LRRK1: variants seen among roughly 807,000 people sequenced by gnomAD.
LRRK1 encodes the protein leucine rich repeat kinase 1.
A neutral mutation model predicts 209.1 loss-of-function variants in LRRK1; 113 were observed. The observed-to-expected ratio is 0.54, with a 90% confidence interval of 0.46 to 0.63. LRRK1 has a LOEUF of 0.63. LRRK1 is among the 30% of genes least tolerant of loss of function. The pLI is 0.00. For synonymous variants in LRRK1, 1,144 were observed against 1,099.7 expected (o/e 1.04, Z -0.80); for missense variants, 2,284 against 2,632.2 (o/e 0.87, Z 2.89).
intron 21 of LRRK1, among the ~76,000 whole-genome samples, chr15:101,047,416 G>T (rs377252667): frequency 3.3e-4 from 50 of 152,310 alleles, no homozygotes; most frequent in African/African-American, 1.1e-3. Flanking sequence ...TCTGTGTGCC[G>T]CTGTCTTCTC....
At chr15:101,008,459 G>T (rs1345395220) in intron 6 of LRRK1, among the ~76,000 whole-genome samples, 1 of 152,306 alleles carries the variant, frequency 6.6e-6, no homozygotes, top group Non-Finnish European at 1.5e-5. Flanking sequence ...TTCTTCTCCA[G>T]TCTGGGGGAG....
chr15:101,019,978 CACTTAA>C (rs1231760807), intron 12 of LRRK1, among the ~76,000 whole-genome samples: 1 of 152,170 alleles, frequency 6.6e-6, no homozygotes, highest in Non-Finnish European at 1.5e-5. Context: ...TTAATAAAGT[CACTTAA>C]ATACTAAACA....
rs1198284104 is a variant in LRRK1 at position 101,014,338 on chromosome 15, A to G, written c.1442A>G (p.Gln481Arg). ...QLDALMFLRL[Q>R]GNQLAALPPQ... is the part of the protein sequence containing the mutation. The stretch of plus-strand genomic sequence containing the variant: ...CAGGCCCTCATGTTCTTGAGGTTAC[A>G]GGGGAACCAGCTGGCGGCACTTCCA... Residue 481 changes from glutamine to arginine, a missense_variant, in exon 11 of 34, where the codon CAG (glutamine) becomes CGG (arginine). By Grantham distance (43) the Gln-to-Arg change is conservative. This residue lies in a region of LRRK1 where 494 missense variants were observed against 522.1 expected (regional missense o/e 0.95). Coordinates refer to ENST00000388948, the MANE Select transcript of LRRK1 (RefSeq NM_024652.6). 6 of 1,613,414 alleles carry G rather than the reference A, an allele frequency of 3.7e-6. No individual in the cohort carries two copies. Among genetic ancestry groups the G allele is most frequent in the Non-Finnish European group, 5.1e-6 (6 of 1,179,700 alleles).
rs377424019 is a variant in LRRK1 at position 101,068,913 on chromosome 15, C to CCAT, written c.*67_*69dup. On this transcript the variant is annotated 3_prime_UTR_variant, in exon 34 of 34. Coordinates refer to ENST00000388948, the MANE Select transcript of LRRK1 (RefSeq NM_024652.6). ...CCGGGGCTGCAGCCTGACCCCTCTGCCATCGGCCTCTAGTTCTCCAAGGAC... is the reference window on the plus strand; with the variant it reads ...CCGGGGCTGCAGCCTGACCCCTCTGCCATCATCGGCCTCTAGTTCTCCAAGGAC... 7.2e-4 allele frequency: 1,043 copies of CCAT among 1,450,014 alleles called. 10 individuals are homozygous for CCAT. In the African/African-American group the frequency reaches 0.013, roughly 17 times the overall value. 89.8% of individuals were successfully genotyped at this position (1,450,014 alleles called of 1,614,324 possible).
rs529212667 is a variant in LRRK1, at chr15:101,003,247, T to C, written c.763-5590T>C. Reference sequence around the variant, plus strand: ...CATGTCTATTTTCCGAGTGTCAACATTTTTGCAGACTTCTGCTTTTTACCA... The same window carrying C: ...CATGTCTATTTTCCGAGTGTCAACACTTTTGCAGACTTCTGCTTTTTACCA... On this transcript the variant is annotated intron_variant, in intron 6 of 33. Coordinates refer to ENST00000388948, the MANE Select transcript of LRRK1 (RefSeq NM_024652.6). Among the ~76,000 whole-genome samples the C allele has an allele frequency of 3.3e-5, 5 of 152,330 alleles. No homozygotes were observed. The South Asian group carries it at 6.2e-4, about 19-fold the overall frequency.
At chr15:100,930,680 C>T (rs933453059) in intron 2 of LRRK1, among the ~76,000 whole-genome samples, 5 of 152,250 alleles carry the variant, frequency 3.3e-5, no homozygotes, top group Admixed American at 3.3e-4. Flanking sequence ...TACCAGCCAT[C>T]TGCCCTGGCC....
chr15:101,012,735 T>C (rs2033325742), intron 10 of LRRK1, among the ~76,000 whole-genome samples: 1 of 152,062 alleles, frequency 6.6e-6, no homozygotes, highest in African/African-American at 2.4e-5. Flanking sequence ...GTGCAGCCTC[T>C]TGTGTGCGGC....
intron 2 of LRRK1, among the ~76,000 whole-genome samples, chr15:100,942,434 A>G (rs767283292): frequency 3.3e-5 from 5 of 152,206 alleles, no homozygotes; most frequent in Non-Finnish European, 7.3e-5. Flanking sequence ...TAATATTACA[A>G]TGATTAAAAA....
intron 12 of LRRK1, 123 bp from the exon 13 acceptor site, chr15:101,020,930 G>C (rs775129736): frequency 4.9e-6 from 5 of 1,026,852 alleles, no homozygotes; most frequent in Non-Finnish European, 7.4e-6. Flanking sequence ...TGAGCATTTT[G>C]TTCTGATAGG....
At chr15:100,964,781 TAC>T (rs35276283) in intron 2 of LRRK1, among the ~76,000 whole-genome samples, 14,767 of 138,688 alleles carry the variant, frequency 0.11, 744 homozygotes, top group Non-Finnish European at 0.12. Context: ...AGAAGAGAAA[TAC>T]ACACACACAC....
intron 6 of LRRK1, among the ~76,000 whole-genome samples, chr15:101,005,169 TC>T (rs1278713529): frequency 6.6e-6 from 1 of 152,140 alleles, no homozygotes; most frequent in Admixed American, 6.5e-5. Context: ...TCTCTGTGAA[TC>T]CAGGAAGGAG....
At chr15:101,025,015 G>T (rs2033960855) in intron 16 of LRRK1, 48 bp downstream of exon 16, 1 of 1,576,706 alleles carries the variant, frequency 6.3e-7, no homozygotes, top group Non-Finnish European at 8.6e-7. Flanking sequence ...CCAGAGCTTT[G>T]CAGGTCCCAC....
At chr15:100,976,756 T>C (rs1254831672) in intron 3 of LRRK1, among the ~76,000 whole-genome samples, 1 of 152,156 alleles carries the variant, frequency 6.6e-6, no homozygotes, top group African/African-American at 2.4e-5. Context: ...GTGTTTAAGA[T>C]AGAACAACCT....
rs543399261 is a variant in LRRK1 at position 101,061,991 on chromosome 15, A to G, written c.4798-583A>G. Among the ~76,000 whole-genome samples the G allele has an allele frequency of 3.1e-3, 479 of 152,372 alleles. 4 individuals are homozygous for G. Among genetic ancestry groups the G allele is most frequent in the African/African-American group, 0.01 (435 of 41,592 alleles). On this transcript the variant is annotated intron_variant, in intron 30 of 33. Coordinates refer to ENST00000388948, the MANE Select transcript of LRRK1 (RefSeq NM_024652.6). Reference sequence around the variant, plus strand: ...CCATTGCACTCCAGCCTTGCGTACCACTTAAGCCTCAGAAATCTCAGTGTT... The same window carrying G: ...CCATTGCACTCCAGCCTTGCGTACCGCTTAAGCCTCAGAAATCTCAGTGTT...
At position 100,919,604 on chromosome 15, in the gene LRRK1, G is replaced by C. The variant is rs1018037805; in HGVS notation, c.-123+153G>C. 3.3e-5 allele frequency among the ~76,000 whole-genome samples: 5 copies of C among 149,468 alleles called. No homozygotes were observed. Among genetic ancestry groups the C allele is most frequent in the Non-Finnish European group, 7.5e-5 (5 of 67,054 alleles). On this transcript the variant is annotated intron_variant, in intron 1 of 33. Coordinates refer to ENST00000388948, the MANE Select transcript of LRRK1 (RefSeq NM_024652.6). The surrounding 1 kb of genome is among the most constrained non-coding windows in gnomAD (Gnocchi z 5.8). ...TCCGGGCGGCCGCGTGGTCGGGCAC[G>C]GGGGGCCGTTGCGCAGGGGCCGCGG...
At chr15:100,962,365 A>G (rs1387585720) in intron 2 of LRRK1, among the ~76,000 whole-genome samples, 3 of 152,122 alleles carry the variant, frequency 2.0e-5, no homozygotes, top group Admixed American at 2.0e-4. Flanking sequence ...CCCTGTCTCC[A>G]TTAAAAATAC....
Position 100,939,018 on chromosome 15 carries a change from A to G in LRRK1, c.97+14289A>G, listed in dbSNP as rs368351597. 7.2e-5 allele frequency among the ~76,000 whole-genome samples: 11 copies of G among 152,344 alleles called. No individual in the cohort carries two copies. The East Asian group carries it at 1.3e-3, about 19-fold the overall frequency. On this transcript the variant is annotated intron_variant, in intron 2 of 33. Transcript: ENST00000388948. ...TGAGACAGGAGAATCGCTTGAACCCAGGAGATGGACGTTACAGTGAGCCCA... is the reference window on the plus strand; with the variant it reads ...TGAGACAGGAGAATCGCTTGAACCCGGGAGATGGACGTTACAGTGAGCCCA...
intron 2 of LRRK1, among the ~76,000 whole-genome samples, chr15:100,970,894 C>T (rs2030824855): frequency 6.6e-6 from 1 of 152,064 alleles, no homozygotes; most frequent in Admixed American, 6.5e-5. Context: ...AGATCTTGCC[C>T]ATCTTTTGTT....
intron 2 of LRRK1, among the ~76,000 whole-genome samples, chr15:100,972,265 A>G (rs1257586344): frequency 6.6e-6 from 1 of 151,786 alleles, no homozygotes; most frequent in Non-Finnish European, 1.5e-5. Context: ...ACCCAGCCTC[A>G]AAAGGATTTT....
Sources: allele counts gnomAD v4.1 joint callset (sites outside exome capture counted in the v4.1 genomes callset), GRCh38; gene constraint gnomAD v4.1.1; regional missense constraint gnomAD v4.1.1; non-coding constraint Gnocchi (gnomAD v3.1); transcripts MANE v1.5; gene names NCBI Gene and HGNC (gene_info 2026-07-23, HGNC 2026-07-21).